The following SYT1 variants were observed in gnomAD, a reference collection of about 807,000 sequenced individuals.
SYT1 encodes synaptotagmin 1, also known as synaptotagmin-1.
Under a neutral mutation model 44.8 loss-of-function variants are expected in SYT1, and 8 were observed. The ratio of observed to expected loss-of-function variants is 0.18; its 90% CI spans 0.10 to 0.32. SYT1 has a LOEUF of 0.32. SYT1 is among the 10% of genes least tolerant of loss of function. The pLI is 1.00. For missense variants in SYT1, 286 were observed against 509.3 expected (o/e 0.56, Z 4.22); for synonymous variants, 154 against 188.8 (o/e 0.82, Z 1.51).
At chr12:79,334,632 A>G (rs1043515924) in intron 8 of SYT1, among the ~76,000 whole-genome samples, 2 of 152,126 alleles carry the variant, frequency 1.3e-5, no homozygotes, top group African/African-American at 2.4e-5. Context: ...TCCTTGTTCT[A>G]TTTCCTGCAA....
chr12:79,313,179 A>G (rs969283622), intron 8 of SYT1, among the ~76,000 whole-genome samples: 24 of 152,270 alleles, frequency 1.6e-4, no homozygotes, highest in Admixed American at 5.2e-4. Context: ...TACAATCTAC[A>G]TGCAATATTA....
intron 3 of SYT1, among the ~76,000 whole-genome samples, chr12:79,194,286 T>C (rs1422308207): frequency 6.6e-6 from 1 of 152,090 alleles, no homozygotes; most frequent in Non-Finnish European, 1.5e-5. Context: ...TAATTGTTTT[T>C]TACTATTTTT....
At position 79,450,643 on chromosome 12, in the gene SYT1, C is replaced by T. The variant is rs1048159813; in HGVS notation, c.*1519C>T. On this transcript the variant is annotated 3_prime_UTR_variant, in exon 11 of 11. Coordinates refer to ENST00000261205, the MANE Select transcript of SYT1 (RefSeq NM_005639.3). ...TCAGTGGATAGCACTCAATTTATTCCGTAGTGATATTGTAACAATACTGCC... is the reference window on the plus strand; with the variant it reads ...TCAGTGGATAGCACTCAATTTATTCTGTAGTGATATTGTAACAATACTGCC... 3.3e-5 allele frequency: 5 copies of T among 152,580 alleles called. No homozygotes were observed. The highest frequency in any genetic ancestry group is 6.6e-5 in the Admixed American group (1 of 15,262). 9.5% of individuals were successfully genotyped at this position (152,580 alleles called of 1,614,324 possible).
At chr12:79,416,273 A>C (rs1868734959) in intron 9 of SYT1, among the ~76,000 whole-genome samples, 2 of 152,310 alleles carry the variant, frequency 1.3e-5, no homozygotes, top group South Asian at 4.1e-4. Context: ...CAGTCATATG[A>C]TCATGAAACA....
intron 4 of SYT1, among the ~76,000 whole-genome samples, chr12:79,260,674 T>A (rs1877779474): frequency 6.6e-6 from 1 of 152,210 alleles, no homozygotes; most frequent in Non-Finnish European, 1.5e-5. Context: ...TATTTTTCTC[T>A]ACTCCACAAT....
chr12:79,321,914 T>A (rs1881379083), intron 8 of SYT1, among the ~76,000 whole-genome samples: 1 of 152,128 alleles, frequency 6.6e-6, no homozygotes, highest in African/African-American at 2.4e-5. Flanking sequence ...CTCCTCCAAG[T>A]GGAGCACAGC....
intron 1 of SYT1, among the ~76,000 whole-genome samples, chr12:78,966,084 A>AC (rs1879758076): frequency 6.6e-6 from 1 of 151,926 alleles, no homozygotes; most frequent in Non-Finnish European, 1.5e-5. Flanking sequence ...CTCAAAAAAA[A>AC]AAAAAAAAAA....
chr12:79,357,505 T>G (rs931304753), intron 9 of SYT1, among the ~76,000 whole-genome samples: 2 of 152,198 alleles, frequency 1.3e-5, no homozygotes, highest in African/African-American at 4.8e-5. Flanking sequence ...AGGCTACCAA[T>G]CTATACAACA....
intron 9 of SYT1, among the ~76,000 whole-genome samples, chr12:79,396,188 A>G (rs560143092): frequency 2.0e-5 from 3 of 152,292 alleles, no homozygotes; most frequent in Non-Finnish European, 4.4e-5. Flanking sequence ...GAGAACAAGA[A>G]ATTTTTATAA....
chr12:78,981,934 T>A (rs1191884439), intron 2 of SYT1, among the ~76,000 whole-genome samples: 2 of 152,124 alleles, frequency 1.3e-5, no homozygotes, highest in Non-Finnish European at 1.5e-5. Context: ...CATCCATGCC[T>A]AGGGATGGAG....
At chr12:78,947,353 C>A (rs996787429) in intron 1 of SYT1, among the ~76,000 whole-genome samples, 1 of 152,046 alleles carries the variant, frequency 6.6e-6, no homozygotes, top group East Asian at 1.9e-4. Flanking sequence ...CATGTTTAGG[C>A]TAGATTATGT....
At chr12:79,078,067 G>GT (rs1201115074) in intron 3 of SYT1, among the ~76,000 whole-genome samples, 4 of 151,676 alleles carry the variant, frequency 2.6e-5, no homozygotes, top group South Asian at 2.1e-4. Context: ...TTATGAAATG[G>GT]TTTTTTTTCT....
chr12:79,112,564 A>C (rs1054181343), intron 3 of SYT1, among the ~76,000 whole-genome samples: 1 of 152,158 alleles, frequency 6.6e-6, no homozygotes, highest in Non-Finnish European at 1.5e-5. Context: ...TGCTGTAAGA[A>C]GCTCAAAGTA....
chr12:79,009,218 T>C (rs770404959), intron 2 of SYT1, among the ~76,000 whole-genome samples: 27 of 152,228 alleles, frequency 1.8e-4, no homozygotes, highest in Non-Finnish European at 3.7e-4. Context: ...AAAAAGTCTC[T>C]ATGATTACTG....
intron 3 of SYT1, among the ~76,000 whole-genome samples, chr12:79,126,447 G>C (rs1370689990): frequency 6.6e-6 from 1 of 152,122 alleles, no homozygotes; most frequent in African/African-American, 2.4e-5. Context: ...TTTTAGTAGA[G>C]ACGGGATTTC....
intron 4 of SYT1, among the ~76,000 whole-genome samples, chr12:79,239,247 C>T (rs922694756): frequency 1.3e-5 from 2 of 152,090 alleles, no homozygotes; most frequent in Non-Finnish European, 2.9e-5. Flanking sequence ...CCTAGTATAA[C>T]CATGAGAAAA....
intron 2 of SYT1, among the ~76,000 whole-genome samples, chr12:78,990,847 T>C (rs758933318): frequency 6.6e-6 from 1 of 152,148 alleles, no homozygotes; most frequent in Admixed American, 6.6e-5. Context: ...GGGGAAAATA[T>C]GGTATGCACG....
chr12:78,964,204 A>G (rs2137355383), intron 1 of SYT1: 2 of 152,312 alleles, frequency 1.3e-5, no homozygotes, highest in African/African-American at 4.8e-5. Flanking sequence ...ATGAATAATT[A>G]ATTGAATGTG....
intron 8 of SYT1, among the ~76,000 whole-genome samples, chr12:79,320,823 A>G (rs1881324223): frequency 6.6e-6 from 1 of 151,818 alleles, no homozygotes. Context: ...GGGTTTCACC[A>G]TGTTGGCCAG....
Sources: gnomAD v4.1 joint callset for allele counts (sites outside exome capture counted in the v4.1 genomes callset) on GRCh38, gnomAD v4.1.1 for gene constraint, MANE v1.5 for transcripts, NCBI Gene and HGNC (gene_info 2026-07-23, HGNC 2026-07-21) for gene names.